Variants in TNKS observed in about 807,000 individuals in gnomAD.
TNKS encodes tankyrase.
Under a neutral mutation model 135.8 loss-of-function variants are expected in TNKS, and 72 were observed. That is an observed-to-expected ratio of 0.53 (90% CI 0.44 to 0.64). The LOEUF (loss-of-function observed/expected upper bound fraction) is 0.64. TNKS is among the 30% of genes least tolerant of loss of function. TNKS has a pLI of 0.00. For missense variants in TNKS, 1,769 were observed against 1,674.0 expected (o/e 1.06, Z -0.99); for synonymous variants, 849 against 649.3 (o/e 1.31, Z -4.68).
intron 3 of TNKS, among the ~76,000 whole-genome samples, chr8:9,621,306 G>GT (rs1799856533): frequency 1.1e-5 from 1 of 94,506 alleles, no homozygotes; most frequent in South Asian, 3.8e-4. Context: ...CCTTATTTTT[G>GT]CTTTTTTTTT....
intron 12 of TNKS, among the ~76,000 whole-genome samples, chr8:9,722,151 A>G (rs1330300349): frequency 6.6e-6 from 1 of 152,110 alleles, no homozygotes; most frequent in East Asian, 1.9e-4. Flanking sequence ...TATAGTTCTT[A>G]TGTAAATAGA....
At chr8:9,564,957 T>G (rs1373367041) in intron 1 of TNKS, among the ~76,000 whole-genome samples, 1 of 152,158 alleles carries the variant, frequency 6.6e-6, no homozygotes, top group African/African-American at 2.4e-5. Flanking sequence ...TAGGGTGGGT[T>G]TCCTAGGGAT....
At chr8:9,712,572 T>C (rs2128809921) in intron 11 of TNKS, among the ~76,000 whole-genome samples, 1 of 152,248 alleles carries the variant, frequency 6.6e-6, no homozygotes, top group Non-Finnish European at 1.5e-5. Context: ...CTACAGTCAA[T>C]GGATATTTTC....
intron 14 of TNKS, among the ~76,000 whole-genome samples, chr8:9,732,389 G>A (rs1805489242): frequency 1.3e-5 from 2 of 152,080 alleles, no homozygotes; most frequent in African/African-American, 4.8e-5. Context: ...AGCTTTCTGT[G>A]TAATTACATA....
At chr8:9,673,359 T>C (rs1802388874) in intron 3 of TNKS, among the ~76,000 whole-genome samples, 1 of 152,036 alleles carries the variant, frequency 6.6e-6, no homozygotes, top group African/African-American at 2.4e-5. Context: ...GAAAATAATA[T>C]ATAAATTTTA....
At chr8:9,706,749 T>C (rs1804065523) in intron 7 of TNKS, 62 bp from the exon 8 acceptor site, 2 of 1,466,700 alleles carry the variant, frequency 1.4e-6, no homozygotes, top group Non-Finnish European at 9.2e-7. Flanking sequence ...TAAATGTCTT[T>C]TGAGTTTTAT....
intron 3 of TNKS, among the ~76,000 whole-genome samples, chr8:9,649,873 C>CT (rs1563141635): frequency 2.1e-5 from 2 of 95,804 alleles, no homozygotes; most frequent in African/African-American, 8.4e-5. Context: ...TCTTTCTTTT[C>CT]TTTTCTTTTT....
Position 9,580,445 on chromosome 8 carries a change from T to C in TNKS, c.898+62T>C, listed in dbSNP as rs34926300. On this transcript the variant is annotated intron_variant, in intron 2 of 26. Coordinates refer to ENST00000310430, the MANE Select transcript of TNKS (RefSeq NM_003747.3). ...AGGTTTATTCTTACTTTTTTTGTGG[T>C]ACAAATAGTGTTTCCTGAGAATAGG... is the stretch of plus-strand genomic sequence containing the variant. 3.0e-3 allele frequency: 4,381 copies of C among 1,452,938 alleles called. 24 individuals carry two copies. The highest frequency in any genetic ancestry group is 0.021 in the African/African-American group (1,520 of 71,434). The allele number at this position is 1,452,938 out of a possible 1,614,324, so 90.0% of individuals were successfully genotyped here. A position where few individuals can be genotyped will look rare whatever the true frequency, so the allele number is the denominator to read the frequency against.
chr8:9,556,733 C>A, intron 1 of TNKS, 121 bp downstream of exon 1: 2 of 1,145,306 alleles, frequency 1.7e-6, no homozygotes, highest in Non-Finnish European at 2.5e-6. Context: ...TCTTCATCAC[C>A]TCACCAGAAG....
At chr8:9,607,794 A>G (rs537916754) in intron 2 of TNKS, among the ~76,000 whole-genome samples, 5 of 152,230 alleles carry the variant, frequency 3.3e-5, no homozygotes, top group Admixed American at 3.3e-4. Flanking sequence ...AAAGAAATCT[A>G]ATGGTCAATA....
rs1425514693 is a variant in TNKS at position 9,710,565 on chromosome 8, T to C, written c.1749+345T>C. 3.3e-5 allele frequency among the ~76,000 whole-genome samples: 5 copies of C among 152,310 alleles called. No individual in the cohort carries two copies. The South Asian group carries it at 6.2e-4, about 19-fold the overall frequency. On this transcript the variant is annotated intron_variant, in intron 11 of 26. Transcript: ENST00000310430. ...TAACAGTTTATCAGAAAATAAATTA[T>C]GTTAAATGATAGCATCAGAATAGCT... is the stretch of plus-strand genomic sequence containing the variant.
chr8:9,566,232 T>C (rs1314971470), intron 1 of TNKS: 1 of 152,184 alleles, frequency 6.6e-6, no homozygotes, highest in East Asian at 1.9e-4. Flanking sequence ...TGTCTTGAGG[T>C]ACCAACTTAT....
At chr8:9,679,456 G>A (rs574909282) in intron 3 of TNKS, among the ~76,000 whole-genome samples, 4 of 152,166 alleles carry the variant, frequency 2.6e-5, no homozygotes, top group African/African-American at 7.2e-5. Flanking sequence ...CTGCTATAAA[G>A]CTCAACAATA....
chr8:9,623,134 C>T (rs1229429906), intron 3 of TNKS, among the ~76,000 whole-genome samples: 1 of 152,140 alleles, frequency 6.6e-6, no homozygotes, highest in East Asian at 1.9e-4. Flanking sequence ...GTAACTGAAA[C>T]CACAGAAAGG....
chr8:9,771,210 A>G (rs1242360929), intron 26 of TNKS, among the ~76,000 whole-genome samples: 1 of 138,758 alleles, frequency 7.2e-6, no homozygotes, highest in Non-Finnish European at 1.6e-5. Context: ...AGGGAGGAAG[A>G]GAGAGAGGAA....
chr8:9,701,942 A>G (rs1803823561), intron 5 of TNKS, among the ~76,000 whole-genome samples: 1 of 152,186 alleles, frequency 6.6e-6, no homozygotes, highest in Admixed American at 6.5e-5. Context: ...GAAAGATGAG[A>G]GGTAACAAGC....
In TNKS at chr8:9,765,779, G is replaced by A. The variant is rs753378766; in HGVS notation, c.3535G>A (p.Glu1179Lys). Residue 1179 changes from glutamate to lysine, a missense_variant, in exon 24 of 27, where the codon GAG (glutamate) becomes AAG (lysine). Coordinates refer to ENST00000310430, the MANE Select transcript of TNKS (RefSeq NM_003747.3). ...TGAGGAGAATCACAACCATCACAAT[G>A]AGCGCATGTTGTTTCATGGTAAGCA... ...VSEENHNHHN[E>K]RMLFHGSPFI... 3.7e-6 allele frequency: 6 copies of A among 1,613,914 alleles called. No homozygotes were observed. Among genetic ancestry groups the A allele is most frequent in the Non-Finnish European group, 5.1e-6 (6 of 1,179,868 alleles).
intron 25 of TNKS, 23 bp from the exon 26 acceptor site, chr8:9,770,083 A>T (rs373740494): frequency 6.3e-7 from 1 of 1,578,270 alleles, no homozygotes. Flanking sequence ...CCTTCAAAGC[A>T]TTGTTTTTTT....
chr8:9,709,832 A>G (rs546188004), intron 9 of TNKS, 123 bp from the exon 10 acceptor site: 2 of 705,496 alleles, frequency 2.8e-6, no homozygotes, highest in Admixed American at 2.8e-5. Context: ...TATAAAACAT[A>G]TACATATGTT....
Sources: allele counts gnomAD v4.1 joint callset (sites outside exome capture counted in the v4.1 genomes callset), GRCh38; gene constraint gnomAD v4.1.1; transcripts MANE v1.5; gene names NCBI Gene and HGNC (gene_info 2026-07-23, HGNC 2026-07-21).